Variants in ATP6V1H observed in about 807,000 individuals in gnomAD.
ATP6V1H encodes the protein V-type proton ATPase subunit H.
A neutral mutation model predicts 71.7 loss-of-function variants in ATP6V1H; 39 were observed. That is an observed-to-expected ratio of 0.54 (90% confidence interval 0.42 to 0.71). ATP6V1H has a LOEUF of 0.71. Among genes scored for constraint, ATP6V1H ranks in the 30% least tolerant of loss-of-function variants. The pLI, the probability that ATP6V1H is intolerant of heterozygous loss-of-function variation, is 0.00. For missense variants in ATP6V1H, 509 were observed against 594.9 expected (o/e 0.86, Z 1.50); for synonymous variants, 192 against 199.3 (o/e 0.96, Z 0.31).
rs199750398 is a variant in ATP6V1H at position 53,806,258 on chromosome 8, T to TA, written c.580-4363dup. 4.3e-3 allele frequency among the ~76,000 whole-genome samples: 642 copies of TA among 150,214 alleles called. 10 individuals carry two copies. Among genetic ancestry groups the TA allele is most frequent in the East Asian group, 0.042 (214 of 5,138 alleles). On this transcript the variant is annotated intron_variant, in intron 7 of 13. Transcript: ENST00000359530. ...ATAATATCTCTACCACTGGGAAAAA[T>TA]AAAAAAAAACTGTCATGACACTGAA... is the stretch of plus-strand genomic sequence containing the variant.
At chr8:53,745,761 C>A (rs1807580838) in intron 12 of ATP6V1H, among the ~76,000 whole-genome samples, 1 of 152,036 alleles carries the variant, frequency 6.6e-6, no homozygotes, top group South Asian at 2.1e-4. Flanking sequence ...ACTAAACAGA[C>A]CACGTAAAGG....
At chr8:53,787,020 A>G (rs567765337) in intron 9 of ATP6V1H, among the ~76,000 whole-genome samples, 1 of 152,376 alleles carries the variant, frequency 6.6e-6, no homozygotes, top group African/African-American at 2.4e-5. Context: ...TTCAATTTTC[A>G]TATTATAAAA....
At position 53,819,585 on chromosome 8, in the gene ATP6V1H, T is replaced by TAAAA. The variant is rs1554568543; in HGVS notation, c.307-2059_307-2056dup. 2.4e-5 allele frequency among the ~76,000 whole-genome samples: 2 copies of TAAAA among 83,568 alleles called. 1 individual carries two copies. Among genetic ancestry groups the TAAAA allele is most frequent in the African/African-American group, 1.0e-4 (2 of 19,376 alleles). The allele number at this position is 83,568 out of a possible 152,430, so 54.8% of individuals were successfully genotyped here. A position where few individuals can be genotyped will look rare whatever the true frequency, so the allele number is the denominator to read the frequency against. ...ATATATATATATATATATATATATATAAAATACACACACATACACACATTG... is the reference window on the plus strand; with the variant it reads ...ATATATATATATATATATATATATATAAAAAAAATACACACACATACACACATTG... On this transcript the variant is annotated intron_variant, in intron 4 of 13. Transcript: ENST00000359530.
intron 11 of ATP6V1H, among the ~76,000 whole-genome samples, chr8:53,763,992 G>A (rs775599448): frequency 6.6e-6 from 1 of 152,128 alleles, no homozygotes; most frequent in Non-Finnish European, 1.5e-5. Context: ...AAGGAGAAGT[G>A]GATAATCTGA....
intron 11 of ATP6V1H, among the ~76,000 whole-genome samples, chr8:53,757,763 C>T (rs543871486): frequency 6.6e-6 from 1 of 152,320 alleles, no homozygotes. Flanking sequence ...TACCCTAAGG[C>T]AGTACTCTCC....
intron 7 of ATP6V1H, among the ~76,000 whole-genome samples, chr8:53,805,972 T>G (rs1810063296): frequency 6.6e-6 from 1 of 152,148 alleles, no homozygotes; most frequent in South Asian, 2.1e-4. Context: ...ATGATAACCT[T>G]TGTGCGAGTT....
chr8:53,792,141 A>G (rs1240437048), intron 9 of ATP6V1H, among the ~76,000 whole-genome samples: 2 of 152,154 alleles, frequency 1.3e-5, no homozygotes, highest in African/African-American at 4.8e-5. Flanking sequence ...TACTGTGACA[A>G]CTCATGTGGA....
chr8:53,783,830 G>A (rs1809260694), intron 9 of ATP6V1H, among the ~76,000 whole-genome samples: 1 of 152,198 alleles, frequency 6.6e-6, no homozygotes, highest in Non-Finnish European at 1.5e-5. Context: ...AGGTTGTTCA[G>A]TTTCCATGTA....
chr8:53,808,628 G>A (rs1276568222), intron 7 of ATP6V1H, among the ~76,000 whole-genome samples: 1 of 151,988 alleles, frequency 6.6e-6, no homozygotes, highest in Non-Finnish European at 1.5e-5. Context: ...AAATTAGCGG[G>A]GCATGGTGGC....
chr8:53,804,110 C>G (rs1273783219), intron 7 of ATP6V1H, among the ~76,000 whole-genome samples: 1 of 152,236 alleles, frequency 6.6e-6, no homozygotes, highest in African/African-American at 2.4e-5. Context: ...ATCTGACATA[C>G]TCTCTCCTAT....
intron 9 of ATP6V1H, among the ~76,000 whole-genome samples, chr8:53,777,868 G>T (rs949770674): frequency 1.1e-4 from 17 of 152,194 alleles, no homozygotes; most frequent in Non-Finnish European, 2.4e-4. Flanking sequence ...GATACCACAA[G>T]TGGAAAGCTG....
At chr8:53,814,407 T>TC (rs935017756) in intron 6 of ATP6V1H, among the ~76,000 whole-genome samples, 1 of 151,946 alleles carries the variant, frequency 6.6e-6, no homozygotes, top group African/African-American at 2.4e-5. Context: ...AGAAAGGTAC[T>TC]CCCTGACCCC....
chr8:53,812,937 G>C (rs1810328781), intron 6 of ATP6V1H, among the ~76,000 whole-genome samples: 1 of 151,976 alleles, frequency 6.6e-6, no homozygotes, highest in South Asian at 2.1e-4. Flanking sequence ...TCAAGTAATT[G>C]GCCTGCCTCA....
chr8:53,785,576 G>C (rs913268272), intron 9 of ATP6V1H, among the ~76,000 whole-genome samples: 1 of 152,200 alleles, frequency 6.6e-6, no homozygotes, highest in Non-Finnish European at 1.5e-5. Flanking sequence ...TTCCGTTGCT[G>C]GTGAGGAGCT....
chr8:53,758,594 T>C (rs1471789753), intron 11 of ATP6V1H, among the ~76,000 whole-genome samples: 3 of 152,236 alleles, frequency 2.0e-5, no homozygotes, highest in Admixed American at 6.5e-5. Flanking sequence ...TTGTAACTGC[T>C]ACTAATTGGA....
intron 9 of ATP6V1H, among the ~76,000 whole-genome samples, chr8:53,788,488 A>C (rs537446003): frequency 3.2e-4 from 48 of 152,352 alleles, no homozygotes; most frequent in Admixed American, 2.7e-3. Context: ...CAAGAATCCA[A>C]CTTACAGAGA....
At chr8:53,736,746 T>G (rs1359308292) in intron 13 of ATP6V1H, among the ~76,000 whole-genome samples, 1 of 152,136 alleles carries the variant, frequency 6.6e-6, no homozygotes, top group African/African-American at 2.4e-5. Flanking sequence ...GAACTCCCAC[T>G]AATAAGTGAG....
At chr8:53,774,472 G>A (rs111255146) in intron 9 of ATP6V1H, among the ~76,000 whole-genome samples, 1 of 152,230 alleles carries the variant, frequency 6.6e-6, no homozygotes, top group East Asian at 1.9e-4. Flanking sequence ...GGTTACTTCT[G>A]AATTTCTATC....
intron 5 of ATP6V1H, 122 bp downstream of exon 5, chr8:53,817,295 T>C: frequency 5.5e-6 from 3 of 548,546 alleles, no homozygotes; most frequent in Non-Finnish European, 3.1e-6. Flanking sequence ...CCCAGCACTT[T>C]GGGAGGCCAA....
Sources: allele counts gnomAD v4.1 joint callset (sites outside exome capture counted in the v4.1 genomes callset), GRCh38; gene constraint gnomAD v4.1.1; transcripts MANE v1.5; gene names NCBI Gene and HGNC (gene_info 2026-07-23, HGNC 2026-07-21).